IFT80: variants seen among roughly 807,000 people sequenced by gnomAD.
IFT80 encodes intraflagellar transport 80.
In IFT80, 79 loss-of-function variants were observed where a neutral mutation model predicts 107.9. That is an observed-to-expected ratio of 0.73 (90% CI 0.61 to 0.88). IFT80 has a LOEUF of 0.88. Ranked by LOEUF, IFT80 falls within the 40% of genes least tolerant of loss-of-function variation. IFT80 has a pLI of 0.00. For missense variants in IFT80, 797 were observed against 914.2 expected (o/e 0.87, Z 1.65); for synonymous variants, 299 against 300.9 (o/e 0.99, Z 0.07).
intron 8 of IFT80, among the ~76,000 whole-genome samples, chr3:160,327,798 G>A (rs1305654152): frequency 2.6e-5 from 4 of 151,968 alleles, no homozygotes; most frequent in African/African-American, 4.8e-5. Flanking sequence ...CAGGATGAAG[G>A]TGCCAAAAGC....
intron 10 of IFT80, among the ~76,000 whole-genome samples, chr3:160,306,715 C>G (rs1171128981): frequency 6.6e-6 from 1 of 152,150 alleles, no homozygotes; most frequent in Non-Finnish European, 1.5e-5. Flanking sequence ...CAGGTTTACA[C>G]ATAATGAATG....
chr3:160,327,608 A>C (rs1718765272), intron 8 of IFT80, among the ~76,000 whole-genome samples: 1 of 152,208 alleles, frequency 6.6e-6, no homozygotes, highest in African/African-American at 2.4e-5. Flanking sequence ...CAAATTTAAT[A>C]AATGGTGTTG....
chr3:160,368,974 G>A (rs1308015957), intron 5 of IFT80, among the ~76,000 whole-genome samples: 4 of 151,840 alleles, frequency 2.6e-5, no homozygotes, highest in South Asian at 4.1e-4. Context: ...TAAAAGGCAC[G>A]GTTGGGGTAC....
At chr3:160,342,169 A>G (rs1017226123) in intron 8 of IFT80, among the ~76,000 whole-genome samples, 4 of 152,200 alleles carry the variant, frequency 2.6e-5, no homozygotes, top group Non-Finnish European at 5.9e-5. Flanking sequence ...AGTTGAAAAG[A>G]GAGAGTTAAT....
intron 8 of IFT80, among the ~76,000 whole-genome samples, chr3:160,337,054 A>T (rs2108327206): frequency 6.6e-6 from 1 of 152,260 alleles, no homozygotes; most frequent in South Asian, 2.1e-4. Flanking sequence ...CAGCAAATTT[A>T]TTCTACTTTT....
At chr3:160,282,094 A>G (rs1041207268) in intron 14 of IFT80, among the ~76,000 whole-genome samples, 3 of 152,218 alleles carry the variant, frequency 2.0e-5, no homozygotes, top group African/African-American at 7.2e-5. Flanking sequence ...CCTGGGCAAC[A>G]TGGTGAAACC....
chr3:160,355,421 C>T (rs562773029), intron 8 of IFT80, among the ~76,000 whole-genome samples: 2 of 151,974 alleles, frequency 1.3e-5, no homozygotes, highest in East Asian at 3.9e-4. Context: ...GCAAATTTTT[C>T]AATTTTTTTT....
intron 10 of IFT80, among the ~76,000 whole-genome samples, chr3:160,306,832 T>G (rs1463415132): frequency 6.6e-6 from 1 of 152,210 alleles, no homozygotes; most frequent in Non-Finnish European, 1.5e-5. Flanking sequence ...TTACATATTT[T>G]AATTCATTTA....
chr3:160,382,675 T>G (rs1415038901), intron 2 of IFT80, among the ~76,000 whole-genome samples: 1 of 152,204 alleles, frequency 6.6e-6, no homozygotes, highest in African/African-American at 2.4e-5. Flanking sequence ...GTTGAGTTGT[T>G]TGTTCTTATT....
chr3:160,390,511 A>C (rs1713296966), intron 1 of IFT80, among the ~76,000 whole-genome samples: 1 of 152,246 alleles, frequency 6.6e-6, no homozygotes, highest in South Asian at 2.1e-4. Flanking sequence ...CATTCAGAAT[A>C]AAAGTGGAGG....
intron 11 of IFT80, 105 bp from the exon 12 acceptor site, chr3:160,301,151 C>T (rs903206699): frequency 1.8e-6 from 2 of 1,084,924 alleles, no homozygotes; most frequent in East Asian, 5.4e-5. Context: ...CTAAATCTTA[C>T]AATTAATGTA....
intron 11 of IFT80, among the ~76,000 whole-genome samples, chr3:160,303,378 T>C (rs2108270722): frequency 6.6e-6 from 1 of 152,330 alleles, no homozygotes; most frequent in South Asian, 2.1e-4. Context: ...TTCTTAGTCC[T>C]GTATACACTG....
chr3:160,397,724 T>C (rs549676851), intron 1 of IFT80, among the ~76,000 whole-genome samples: 331 of 147,484 alleles, frequency 2.2e-3, no homozygotes, highest in African/African-American at 7.3e-3. Context: ...TACTTTTTTT[T>C]TTTTTTTTTT....
chr3:160,377,866 C>T (rs551556140), intron 3 of IFT80: 40 of 168,586 alleles, frequency 2.4e-4, no homozygotes, highest in Non-Finnish European at 4.7e-4. Flanking sequence ...GCTTCAGAAA[C>T]GATGTGCCAA....
chr3:160,382,575 T>C (rs1001355465), intron 2 of IFT80, among the ~76,000 whole-genome samples: 17 of 152,166 alleles, frequency 1.1e-4, no homozygotes, highest in African/African-American at 2.7e-4. Context: ...CCTAGCAGAA[T>C]TGTGTACCTA....
chr3:160,372,788 A>T (rs146590688), intron 5 of IFT80, among the ~76,000 whole-genome samples: 3 of 152,324 alleles, frequency 2.0e-5, no homozygotes, highest in African/African-American at 7.2e-5. Flanking sequence ...TTAAATGTTG[A>T]TGGGTAATAT....
At chr3:160,383,802 T>C (rs1712708488) in intron 2 of IFT80, 2 of 985,266 alleles carry the variant, frequency 2.0e-6, no homozygotes, top group Non-Finnish European at 1.2e-6. Context: ...ATATTATTAA[T>C]TGCCACCTTC....
chr3:160,285,283 T>G (rs1251790583), intron 13 of IFT80, among the ~76,000 whole-genome samples: 1 of 152,192 alleles, frequency 6.6e-6, no homozygotes, highest in African/African-American at 2.4e-5. Context: ...TAGACCCTAA[T>G]ATATCAGCAA....
rs1393837444 is a variant in IFT80, at chr3:160,323,538, T to C, written c.778-3599A>G. Among the ~76,000 whole-genome samples, 4 of 152,060 alleles carry C rather than the reference T, an allele frequency of 2.6e-5. No individual in the cohort carries two copies. The East Asian group carries it at 5.8e-4, about 22-fold the overall frequency. ...TGCTGCTGAATGACTACTGGGTACA[T>C]AATGAAATGAAGGCAGAAATAAAGA... On this transcript the variant is annotated intron_variant, in intron 8 of 19. Transcript: ENST00000326448.
Sources: gnomAD v4.1 joint callset for allele counts (sites outside exome capture counted in the v4.1 genomes callset) on GRCh38, gnomAD v4.1.1 for gene constraint, MANE v1.5 for transcripts, NCBI Gene and HGNC (gene_info 2026-07-23, HGNC 2026-07-21) for gene names.